IGF2R: variants seen among roughly 807,000 people sequenced by gnomAD.
IGF2R encodes insulin like growth factor 2 receptor, also known as cation-independent mannose-6-phosphate receptor.
In IGF2R, 91 loss-of-function variants were observed where a neutral mutation model predicts 270.6. The observed-to-expected ratio is 0.34, with a 90% CI of 0.28 to 0.40. The LOEUF (loss-of-function observed/expected upper bound fraction) is 0.40. IGF2R is among the 10% of genes least tolerant of loss of function. The pLI, the probability that IGF2R is intolerant of heterozygous loss-of-function variation, is 1.00. For synonymous variants in IGF2R, 1,316 were observed against 1,258.9 expected, an observed-to-expected ratio of 1.05 and a Z score of -0.96; for missense variants, 2,805 against 3,188.3, an observed-to-expected ratio of 0.88 and a Z score of 2.90.
rs201174713 is a variant in IGF2R at position 160,040,681 on chromosome 6, C to T, written c.1437C>T (p.Asp479=). 3.9e-5 allele frequency: 63 copies of T among 1,614,226 alleles called. No homozygotes were observed. The highest frequency in any genetic ancestry group is 1.1e-4 in the African/African-American group (8 of 75,066). Residue 479 remains aspartate (D), a synonymous_variant, in exon 11 of 48, where the codon GAC becomes GAT. Coordinates refer to ENST00000356956, the MANE Select transcript of IGF2R (RefSeq NM_000876.4). ...EKEDLLCGAT[D]GKKRYDLSAL... is the part of the protein sequence containing the mutation. ...AAGACCTCCTCTGCGGTGCCACCGACGGGAAGAAGCGCTATGACCTGTCCG... is the reference window on the plus strand; with the variant it reads ...AAGACCTCCTCTGCGGTGCCACCGATGGGAAGAAGCGCTATGACCTGTCCG...
rs376050807 is a variant in IGF2R, at chr6:160,034,135, C to T, written c.1212-284C>T. On this transcript the variant is annotated intron_variant, in intron 9 of 47. Coordinates refer to ENST00000356956, the MANE Select transcript of IGF2R (RefSeq NM_000876.4). ...ATTCTTGGGCGTTATTTATTTTGTACGAAATCTAAAAGTGAGAACAAGAGA... is the reference window on the plus strand; with the variant it reads ...ATTCTTGGGCGTTATTTATTTTGTATGAAATCTAAAAGTGAGAACAAGAGA... 2.6e-5 allele frequency among the ~76,000 whole-genome samples: 4 copies of T among 152,290 alleles called. No homozygotes were observed. In the East Asian group the frequency reaches 7.7e-4, roughly 29 times the overall value.
intron 19 of IGF2R, among the ~76,000 whole-genome samples, chr6:160,052,484 G>A (rs1778221384): frequency 6.6e-6 from 1 of 152,140 alleles, no homozygotes; most frequent in Non-Finnish European, 1.5e-5. Context: ...GGAAGAATCA[G>A]TGTCATGAAA....
rs779002002 is a variant in IGF2R, at chr6:160,084,341, C to T, written c.6068+157C>T. Among the ~76,000 whole-genome samples, 5 of 152,106 alleles carry T rather than the reference C, an allele frequency of 3.3e-5. No individual in the cohort carries two copies. The highest frequency in any genetic ancestry group is 5.9e-5 in the Non-Finnish European group (4 of 68,034). On this transcript the variant is annotated intron_variant, in intron 40 of 47. Coordinates refer to ENST00000356956, the MANE Select transcript of IGF2R (RefSeq NM_000876.4). This position sits in a 1 kb window ranked among gnomAD's most constrained non-coding sequence, Gnocchi z 4.6. ...GTTGTGACTGTTCCTGGAAGCAGCC[C>T]GCAGTGTCAATCCTGGCACAGAGGG...
chr6:159,974,217 C>T (rs1225880699), intron 1 of IGF2R, among the ~76,000 whole-genome samples: 1 of 152,198 alleles, frequency 6.6e-6, no homozygotes, highest in Non-Finnish European at 1.5e-5. Flanking sequence ...CAGCTTTCAT[C>T]TCTCTGCTGA....
chr6:160,043,349 G>T, intron 12 of IGF2R, 61 bp downstream of exon 12: 1 of 1,528,030 alleles, frequency 6.5e-7, no homozygotes, highest in South Asian at 1.2e-5. Flanking sequence ...AGTTTGGAAT[G>T]AGTTAGAAGA....
intron 1 of IGF2R, 141 bp downstream of exon 1, chr6:159,969,536 G>A (rs1783575495): frequency 1.5e-6 from 1 of 652,790 alleles, no homozygotes; most frequent in Admixed American, 5.0e-5. Context: ...GTTCCCGAGG[G>A]AAAGTTGCCT....
At chr6:160,027,409 TG>T (rs1777586130) in intron 6 of IGF2R, 95 bp downstream of exon 6, 1 of 1,379,016 alleles carries the variant, frequency 7.3e-7, no homozygotes, top group African/African-American at 1.5e-5. Context: ...CAGCAAGGCT[TG>T]GGATAGTCCC....
chr6:160,075,242 C>T (rs990090460), intron 35 of IGF2R, among the ~76,000 whole-genome samples: 48 of 152,054 alleles, frequency 3.2e-4, no homozygotes, highest in African/African-American at 1.2e-3. Flanking sequence ...TCAGACTGGT[C>T]TTTTATTTAT....
chr6:160,015,972 C>T (rs1777281157), intron 4 of IGF2R, among the ~76,000 whole-genome samples: 1 of 152,206 alleles, frequency 6.6e-6, no homozygotes, highest in Admixed American at 6.5e-5. Flanking sequence ...CTTTTTGAGG[C>T]CTCCCCAGAA....
chr6:159,985,830 T>A (rs918450971), intron 1 of IGF2R, among the ~76,000 whole-genome samples: 2 of 152,190 alleles, frequency 1.3e-5, no homozygotes, highest in African/African-American at 4.8e-5. Context: ...ATTGGCTAAC[T>A]GTTTTACGCT....
At position 160,088,094 on chromosome 6, in the gene IGF2R, C is replaced by A; in HGVS notation, c.6267C>A (p.Ser2089=). ...GYPCGGNKTA[S]SVIELTCTKT... is the part of the protein sequence containing the mutation. ...CGTGTGGTGGAAATAAGACCGCATC[C>A]TCCGTGATAGAATTGACCTGTACAA... is the stretch of plus-strand genomic sequence containing the variant. The change falls in exon 42 of 48, where the codon TCC becomes TCA. Residue 2089 remains serine (S), a synonymous_variant. Coordinates refer to ENST00000356956, the MANE Select transcript of IGF2R (RefSeq NM_000876.4). 6.2e-7 allele frequency: 1 copy of A among 1,614,044 alleles called. No individual in the cohort carries two copies. Among genetic ancestry groups the A allele is most frequent in the Non-Finnish European group, 8.5e-7 (1 of 1,179,872 alleles).
intron 10 of IGF2R, among the ~76,000 whole-genome samples, 161 bp from the exon 11 acceptor site, chr6:160,040,398 GC>G (rs1159492151): frequency 2.0e-5 from 3 of 152,206 alleles, no homozygotes; most frequent in Non-Finnish European, 4.4e-5. Context: ...CTTAATAGAA[GC>G]CTGTGTCAAC....
chr6:160,069,908 C>A lies in IGF2R; in HGVS notation c.4293C>A (p.Gly1431=). The A allele has an allele frequency of 6.2e-7, 1 of 1,614,212 alleles. No individual in the cohort carries two copies. Among genetic ancestry groups the A allele is most frequent in the East Asian group, 2.2e-5 (1 of 44,886 alleles). The change falls in exon 31 of 48, where the codon GGC becomes GGA. Residue 1431 remains glycine (G), a synonymous_variant. Coordinates refer to ENST00000356956, the MANE Select transcript of IGF2R (RefSeq NM_000876.4). ...AAGCAGCCGCGTGTCTGCTGGGTGGCTCCAAGCCCGTGAACCTCGGCAGGG... is the reference window on the plus strand; with the variant it reads ...AAGCAGCCGCGTGTCTGCTGGGTGGATCCAAGCCCGTGAACCTCGGCAGGG... ...PPEAAACLLG[G]SKPVNLGRVR...
In IGF2R at chr6:160,021,509, G is replaced by A. The variant is rs545935080; in HGVS notation, c.514-3063G>A. On this transcript the variant is annotated intron_variant, in intron 4 of 47. Coordinates refer to ENST00000356956, the MANE Select transcript of IGF2R (RefSeq NM_000876.4). ...CCTAATGCTAAATGACGAGTTAATG[G>A]GTTCAGCACACCAACATGGCACATG... 3.6e-3 allele frequency among the ~76,000 whole-genome samples: 543 copies of A among 150,442 alleles called. 2 individuals carry two copies. Among genetic ancestry groups the A allele is most frequent in the African/African-American group, 0.011 (458 of 40,870 alleles).
At chr6:160,024,469 G>A in intron 4 of IGF2R, 103 bp from the exon 5 acceptor site, 1 of 1,121,794 alleles carries the variant, frequency 8.9e-7, no homozygotes, top group African/African-American at 1.5e-5. Context: ...TAGCATGATA[G>A]TCCCTAAGGA....
intron 45 of IGF2R, among the ~76,000 whole-genome samples, chr6:160,101,171 A>C (rs1343736301): frequency 6.6e-6 from 1 of 152,178 alleles, no homozygotes; most frequent in Non-Finnish European, 1.5e-5. Context: ...AAACAACTGA[A>C]AAATAGAAAT....
chr6:159,969,372 C>T lies in IGF2R; in HGVS notation c.126C>T (p.Ala42=). ...CCCCGGGGTCCACGCAGGCCCAGGC[C>T]GCCCCGTTCCCCGAGCTGTGCAGGT... ...VAAPGSTQAQ[A]APFPELCSYT... The change falls in exon 1 of 48, where the codon GCC becomes GCT. Residue 42 remains alanine (A), a synonymous_variant. Coordinates refer to ENST00000356956, the MANE Select transcript of IGF2R (RefSeq NM_000876.4). The T allele has an allele frequency of 7.8e-7, 1 of 1,283,634 alleles. No homozygotes were observed. Among genetic ancestry groups the T allele is most frequent in the South Asian group, 2.6e-5 (1 of 38,460 alleles). The allele number at this position is 1,283,634 out of a possible 1,614,324, so 79.5% of individuals were successfully genotyped here.
Position 160,090,055 on chromosome 6 carries a change from T to C in IGF2R, c.6607T>C (p.Phe2203Leu). 1.3e-6 allele frequency: 2 copies of C among 1,590,340 alleles called. No homozygotes were observed. Among genetic ancestry groups the C allele is most frequent in the Non-Finnish European group, 1.7e-6 (2 of 1,168,172 alleles). The stretch of plus-strand genomic sequence containing the variant: ...CCAGGTGAAGCCCAACGATCAGCAC[T>C]TCAGTCGGAAAGTTGGAACCTCTGA... ...ICQVKPNDQHFSRKVGTSDKT... is the reference protein window; with the variant it reads ...ICQVKPNDQHLSRKVGTSDKT... Residue 2203 changes from phenylalanine (F) to leucine (L), a missense_variant, in exon 44 of 48, where the codon TTC becomes CTC. Physicochemically the swap from Phe to Leu is conservative, Grantham distance 22. Transcript: ENST00000356956.
chr6:160,065,782 ATGTGTG>A lies in IGF2R; in HGVS notation c.4115+909_4115+914del, dbSNP rs57759831. 3.4e-3 allele frequency among the ~76,000 whole-genome samples: 313 copies of A among 93,158 alleles called. 7 individuals carry two copies. Among genetic ancestry groups the A allele is most frequent in the African/African-American group, 0.013 (290 of 22,986 alleles). The allele number at this position is 93,158 out of a possible 152,430, so 61.1% of individuals were successfully genotyped here. A position where few individuals can be genotyped will look rare whatever the true frequency, so the allele number is the denominator to read the frequency against. ...AAGCATTTTTCCTAGAGATATGTGT[ATGTGTG>A]TGTGTGTGTGTGTGTGTGTGTGTGT... On this transcript the variant is annotated intron_variant, in intron 29 of 47. Transcript: ENST00000356956.
Sources: gnomAD v4.1 joint callset for allele counts (sites outside exome capture counted in the v4.1 genomes callset) on GRCh38, gnomAD v4.1.1 for gene constraint, Gnocchi (gnomAD v3.1) non-coding constraint, MANE v1.5 for transcripts, NCBI Gene and HGNC (gene_info 2026-07-23, HGNC 2026-07-21) for gene names.